NLGN1: variants seen among roughly 807,000 people sequenced by gnomAD.
NLGN1 encodes neuroligin 1, also known as neuroligin-1.
In NLGN1, 12 loss-of-function variants were observed where a neutral mutation model predicts 65.5. The ratio of observed to expected loss-of-function variants is 0.18; its 90% CI spans 0.12 to 0.30. NLGN1 has a LOEUF of 0.30. Ranked by LOEUF, NLGN1 falls within the 10% of genes least tolerant of loss-of-function variation. The pLI is 1.00. For synonymous variants in NLGN1, 350 were observed against 359.5 expected (o/e 0.97, Z 0.30); for missense variants, 750 against 1,007.1 (o/e 0.74, Z 3.46).
intron 3 of NLGN1, among the ~76,000 whole-genome samples, chr3:173,741,873 G>A (rs146357958): frequency 6.8e-4 from 104 of 152,156 alleles, no homozygotes; most frequent in South Asian, 6.2e-3. Context: ...CTGAGAAAAC[G>A]AAGAAAACTT....
chr3:174,197,751 C>CGTGTGTGTGTGTGTGTGT (rs71162378), intron 4 of NLGN1, among the ~76,000 whole-genome samples: 1,560 of 141,682 alleles, frequency 0.011, 18 homozygotes, highest in African/African-American at 0.016. Flanking sequence ...CCCATTATCT[C>CGTGTGTGTGTGTGTGTGT]GTGTGTGTGT....
intron 4 of NLGN1, among the ~76,000 whole-genome samples, chr3:174,157,150 A>G (rs549956361): frequency 1.1e-4 from 17 of 151,680 alleles, no homozygotes; most frequent in Non-Finnish European, 2.2e-4. Context: ...TGTTGGAGGA[A>G]AAAACGGATG....
At chr3:173,719,599 GA>G (rs1290062335) in intron 3 of NLGN1, among the ~76,000 whole-genome samples, 2 of 152,076 alleles carry the variant, frequency 1.3e-5, no homozygotes, top group Non-Finnish European at 2.9e-5. Flanking sequence ...AAAGATTTGG[GA>G]AATCTATTGG....
At chr3:173,557,934 G>T (rs978234512) in intron 2 of NLGN1, among the ~76,000 whole-genome samples, 1 of 152,056 alleles carries the variant, frequency 6.6e-6, no homozygotes, top group Non-Finnish European at 1.5e-5. Context: ...ACATTTGGTA[G>T]CATCAATTTT....
intron 4 of NLGN1, among the ~76,000 whole-genome samples, chr3:174,253,510 G>C (rs917222627): frequency 2.6e-5 from 4 of 151,834 alleles, no homozygotes; most frequent in African/African-American, 9.7e-5. Context: ...TTTTTTTCTT[G>C]AATAGCTAAT....
At chr3:173,537,825 G>A (rs1437147225) in intron 2 of NLGN1, among the ~76,000 whole-genome samples, 1 of 152,104 alleles carries the variant, frequency 6.6e-6, no homozygotes, top group African/African-American at 2.4e-5. Context: ...GATCTCCTAT[G>A]TTCCAGACAT....
At chr3:173,495,497 T>C (rs189911384) in intron 2 of NLGN1, among the ~76,000 whole-genome samples, 2 of 151,660 alleles carry the variant, frequency 1.3e-5, no homozygotes, top group East Asian at 3.9e-4. Flanking sequence ...GCAATGAGTA[T>C]GGCCTCTAGT....
At chr3:173,731,635 G>C (rs929915964) in intron 3 of NLGN1, among the ~76,000 whole-genome samples, 2 of 151,866 alleles carry the variant, frequency 1.3e-5, no homozygotes, top group African/African-American at 2.4e-5. Context: ...AAAAAATTCA[G>C]GTTCCTTCTT....
At chr3:173,461,428 C>G (rs1053860585) in intron 2 of NLGN1, among the ~76,000 whole-genome samples, 1 of 151,710 alleles carries the variant, frequency 6.6e-6, no homozygotes, top group Non-Finnish European at 1.5e-5. Context: ...TCATTTAATT[C>G]TCAAATGGGG....
At chr3:173,988,514 C>A (rs1720421348) in intron 4 of NLGN1, among the ~76,000 whole-genome samples, 2 of 152,132 alleles carry the variant, frequency 1.3e-5, no homozygotes, top group Non-Finnish European at 1.5e-5. Context: ...AGGAAGATAG[C>A]AGGTTGCTCA....
intron 4 of NLGN1, among the ~76,000 whole-genome samples, chr3:174,266,427 A>G (rs948608824): frequency 2.0e-5 from 3 of 152,156 alleles, no homozygotes; most frequent in South Asian, 2.1e-4. Flanking sequence ...CACAGTGCAT[A>G]TGTACGACAT....
rs1553987249 is a variant in NLGN1 at position 174,272,692 on chromosome 3, T to TAGATAGAC, written c.647-2616_647-2615insCAGATAGA. Reference sequence around the variant, plus strand: ...ATAGATAGATAGATAGATAGATAGATAGATAGATAGATAGATATAGATAGA... The same window carrying TAGATAGAC: ...ATAGATAGATAGATAGATAGATAGATAGATAGACAGATAGATAGATAGATATAGATAGA... On this transcript the variant is annotated intron_variant, in intron 4 of 6. Coordinates refer to ENST00000457714, the Ensembl canonical transcript of NLGN1. Among the ~76,000 whole-genome samples the TAGATAGAC allele has an allele frequency of 3.3e-3, 492 of 149,620 alleles. 9 individuals are homozygous for TAGATAGAC. The highest frequency in any genetic ancestry group is 0.02 in the South Asian group (93 of 4,704).
At chr3:173,557,313 T>C (rs1364293757) in intron 2 of NLGN1, among the ~76,000 whole-genome samples, 1 of 152,128 alleles carries the variant, frequency 6.6e-6, no homozygotes, top group East Asian at 1.9e-4. Flanking sequence ...GCACCTGTGT[T>C]TCTATTTATT....
chr3:173,484,832 C>T (rs1437443212), intron 2 of NLGN1, among the ~76,000 whole-genome samples: 2 of 152,040 alleles, frequency 1.3e-5, no homozygotes, highest in Non-Finnish European at 2.9e-5. Context: ...AGAGGAGTGA[C>T]ATGTGATGCT....
chr3:174,246,879 G>A (rs1430622722), intron 4 of NLGN1, among the ~76,000 whole-genome samples: 1 of 152,150 alleles, frequency 6.6e-6, no homozygotes, highest in African/African-American at 2.4e-5. Context: ...ACCAAAGAAA[G>A]CATAGCTGGT....
chr3:173,514,289 A>G (rs1170983529), intron 2 of NLGN1, among the ~76,000 whole-genome samples: 1 of 152,062 alleles, frequency 6.6e-6, no homozygotes, highest in Non-Finnish European at 1.5e-5. Context: ...TTATGTGGAT[A>G]AATTCTTTTG....
intron 2 of NLGN1, among the ~76,000 whole-genome samples, chr3:173,513,802 G>A (rs1362235383): frequency 6.6e-6 from 1 of 151,078 alleles, no homozygotes; most frequent in African/African-American, 2.4e-5. Flanking sequence ...GAGGCGGGCG[G>A]ATCACTTGAG....
At chr3:173,979,538 A>C (rs1434034705) in intron 4 of NLGN1, among the ~76,000 whole-genome samples, 1 of 152,036 alleles carries the variant, frequency 6.6e-6, no homozygotes, top group Non-Finnish European at 1.5e-5. Context: ...AATGGGTAAG[A>C]GGTAAAAAGA....
intron 3 of NLGN1, among the ~76,000 whole-genome samples, chr3:173,660,161 A>G (rs2149686716): frequency 6.6e-6 from 1 of 151,998 alleles, no homozygotes; most frequent in African/African-American, 2.4e-5. Flanking sequence ...GTCAGCCCCA[A>G]GCTAAATAGA....
Sources: allele counts gnomAD v4.1 joint callset (sites outside exome capture counted in the v4.1 genomes callset), GRCh38; gene constraint gnomAD v4.1.1; transcripts MANE v1.5; gene names NCBI Gene and HGNC (gene_info 2026-07-23, HGNC 2026-07-21).